Variants in SMIM20 observed in about 807,000 individuals in gnomAD.
SMIM20 encodes the protein small integral membrane protein 20, also known as mitochondrial translation regulation assembly intermediate of cytochrome c oxidase protein of 7 kDa.
SMIM20 carries 3 observed loss-of-function variants against 8.7 expected under a neutral mutation model. That is an observed-to-expected ratio of 0.34 (90% CI 0.16 to 0.89). SMIM20 has a LOEUF of 0.89. Among genes scored for constraint, SMIM20 ranks in the 40% least tolerant of loss-of-function variants. The probability of loss-of-function intolerance (pLI) is 0.49; values close to 1 mark genes in which losing one functional copy is unlikely to be tolerated. For missense variants in SMIM20, 85 were observed against 84.8 expected (o/e 1.00, Z -0.01); for synonymous variants, 44 against 33.6 (o/e 1.31, Z -1.07).
At chr4:25,918,448 T>C (rs1391024900) in intron 1 of SMIM20, among the ~76,000 whole-genome samples, 1 of 152,192 alleles carries the variant, frequency 6.6e-6, no homozygotes, top group Non-Finnish European at 1.5e-5. Context: ...ATAAGAATTA[T>C]CTTTATCTCC....
intron 1 of SMIM20, among the ~76,000 whole-genome samples, chr4:25,925,843 A>G (rs1719282479): frequency 6.6e-6 from 1 of 152,236 alleles, no homozygotes; most frequent in Non-Finnish European, 1.5e-5. Context: ...AGATTCTTTT[A>G]CTATCGTACA....
intron 1 of SMIM20, among the ~76,000 whole-genome samples, chr4:25,918,929 G>A (rs527564023): frequency 7.9e-4 from 89 of 113,256 alleles, no homozygotes; most frequent in Non-Finnish European, 1.2e-3. Flanking sequence ...ACGGAGTCTC[G>A]CTCTGTCGCC....
intron 1 of SMIM20, among the ~76,000 whole-genome samples, chr4:25,919,486 ATG>A (rs1719159572): frequency 6.8e-6 from 1 of 147,910 alleles, no homozygotes; most frequent in South Asian, 2.2e-4. Flanking sequence ...TTACAGGCAC[ATG>A]CCACCACGCC....
chr4:25,915,869 G>GGGGGGTGT, intron 1 of SMIM20, among the ~76,000 whole-genome samples: 1 of 103,260 alleles, frequency 9.7e-6, no homozygotes, highest in Non-Finnish European at 2.0e-5. Flanking sequence ...CGGGGGGGGG[G>GGGGGGTGT]TCGAGTGTTG....
rs146148250 is a variant in SMIM20 at position 25,920,254 on chromosome 4, T to C, written c.109+5832T>C. On this transcript the variant is annotated intron_variant, in intron 1 of 2. Coordinates refer to ENST00000506197, the MANE Select transcript of SMIM20 (RefSeq NM_001145432.3). ...TCATATTTTGGCCCGCGATAGACCA[T>C]GTATGACAGTGGTCCCATAAGATTA... is the stretch of plus-strand genomic sequence containing the variant. Among the ~76,000 whole-genome samples, 32 of 152,346 alleles carry C rather than the reference T, an allele frequency of 2.1e-4. No individual in the cohort carries two copies. In the East Asian group the frequency reaches 5.0e-3, roughly 24 times the overall value.
chr4:25,919,529 G>T (rs999703691), intron 1 of SMIM20, among the ~76,000 whole-genome samples: 2 of 151,342 alleles, frequency 1.3e-5, no homozygotes, highest in African/African-American at 4.9e-5. Flanking sequence ...CTGTATTTTA[G>T]TAGAGATGGG....
At chr4:25,915,408 G>A (rs1428877736) in intron 1 of SMIM20, among the ~76,000 whole-genome samples, 2 of 152,140 alleles carry the variant, frequency 1.3e-5, no homozygotes, top group Non-Finnish European at 2.9e-5. Flanking sequence ...CTGTCCCTTG[G>A]GAATATTAAC....
rs1214121006 is a variant in SMIM20 at position 25,917,050 on chromosome 4, C to T, written c.109+2628C>T. Reference sequence around the variant, plus strand: ...GGCAGCTGCTATATGATCATCATCCCCATTTTATATGTGGACAAACTGAGG... The same window carrying T: ...GGCAGCTGCTATATGATCATCATCCTCATTTTATATGTGGACAAACTGAGG... On this transcript the variant is annotated intron_variant, in intron 1 of 2. Coordinates refer to ENST00000506197, the MANE Select transcript of SMIM20 (RefSeq NM_001145432.3). Among the ~76,000 whole-genome samples the T allele has an allele frequency of 2.6e-5, 4 of 152,048 alleles. No homozygotes were observed. In the East Asian group the frequency reaches 7.7e-4, roughly 29 times the overall value.
At chr4:25,923,708 T>TA (rs1719238900) in intron 1 of SMIM20, among the ~76,000 whole-genome samples, 1 of 152,250 alleles carries the variant, frequency 6.6e-6, no homozygotes. Flanking sequence ...AGGCTATGCC[T>TA]AGGCAGCACA....
intron 1 of SMIM20, among the ~76,000 whole-genome samples, chr4:25,923,783 T>C (rs1367728463): frequency 6.6e-6 from 1 of 152,254 alleles, no homozygotes; most frequent in East Asian, 1.9e-4. Flanking sequence ...CCTTGTGACA[T>C]GCCAGGTGCT....
chr4:25,917,060 T>C (rs1719104199), intron 1 of SMIM20, among the ~76,000 whole-genome samples: 2 of 152,152 alleles, frequency 1.3e-5, no homozygotes, highest in African/African-American at 4.8e-5. Flanking sequence ...CCATTTTATA[T>C]GTGGACAAAC....
In SMIM20 at chr4:25,928,313, A is replaced by G; in HGVS notation, c.110A>G (p.Lys37Arg). Residue 37 changes from lysine (K) to arginine (R), a missense_variant and splice_region_variant, in exon 2 of 3, where the codon AAG (lysine) becomes AGG (arginine). Lys to Arg is a conservative substitution (Grantham distance 26). Transcript: ENST00000506197. ...FRPLMRLEEY[K>R]KEQAINRAGI... ...ATGATTTTTCTCTTATGTTTCTCAG[A>G]GAAGGAACAAGCTATAAATCGGGCT... 1 of 1,549,436 alleles carries G rather than the reference A, an allele frequency of 6.5e-7. No homozygotes were observed. The highest frequency in any genetic ancestry group is 2.4e-5 in the East Asian group (1 of 40,888).
chr4:25,919,089 A>G (rs1182718223), intron 1 of SMIM20, among the ~76,000 whole-genome samples: 64 of 148,442 alleles, frequency 4.3e-4, no homozygotes, highest in African/African-American at 1.3e-3. Flanking sequence ...TATTTTTAGT[A>G]GAGACGGGGT....
intron 1 of SMIM20, among the ~76,000 whole-genome samples, chr4:25,925,140 A>G (rs1719265085): frequency 6.6e-6 from 1 of 152,240 alleles, no homozygotes; most frequent in South Asian, 2.1e-4. Context: ...CCAATTTCAG[A>G]TAAGGGATAT....
chr4:25,916,792 G>A (rs1450635159), intron 1 of SMIM20, among the ~76,000 whole-genome samples: 1 of 152,176 alleles, frequency 6.6e-6, no homozygotes, highest in African/African-American at 2.4e-5. Flanking sequence ...CTCACCTCAA[G>A]CGATCCTCCT....
chr4:25,927,291 A>G (rs1242955447), intron 1 of SMIM20, among the ~76,000 whole-genome samples: 1 of 152,234 alleles, frequency 6.6e-6, no homozygotes, highest in Non-Finnish European at 1.5e-5. Flanking sequence ...TGATAAAACT[A>G]TCAGGTCGGT....
At position 25,914,396 on chromosome 4, in the gene SMIM20, G is replaced by A; in HGVS notation, c.83G>A (p.Arg28Gln). The stretch of plus-strand genomic sequence containing the variant: ...GCCGCCTTCTATCCCATCTACTTCC[G>A]GCCCCTAATGAGATTGGAGGAGTAC... ...IGAAFYPIYFRPLMRLEEYKK... is the reference protein window; with the variant it reads ...IGAAFYPIYFQPLMRLEEYKK... The change falls in exon 1 of 3, where the codon CGG becomes CAG. Residue 28 changes from arginine to glutamine, a missense_variant. Transcript: ENST00000506197. 1.3e-6 allele frequency: 2 copies of A among 1,529,312 alleles called. No homozygotes were observed. Among genetic ancestry groups the A allele is most frequent in the Non-Finnish European group, 1.8e-6 (2 of 1,133,404 alleles). 94.7% of individuals were successfully genotyped at this position (1,529,312 alleles called of 1,614,324 possible).
At chr4:25,915,854 TGG>T (rs1267183562) in intron 1 of SMIM20, among the ~76,000 whole-genome samples, 4 of 18,966 alleles carry the variant, frequency 2.1e-4, no homozygotes, top group East Asian at 2.5e-3. Flanking sequence ...CAACTTGGGA[TGG>T]GGCGGGGGGG....
At chr4:25,928,456 G>C in intron 2 of SMIM20, 87 bp downstream of exon 2, 2 of 1,299,776 alleles carry the variant, frequency 1.5e-6, no homozygotes, top group Non-Finnish European at 2.1e-6. Flanking sequence ...GGCGTGGAGA[G>C]TGGGAAAATG....
Sources: gnomAD v4.1 joint callset for allele counts (sites outside exome capture counted in the v4.1 genomes callset) on GRCh38, gnomAD v4.1.1 for gene constraint, MANE v1.5 for transcripts, NCBI Gene and HGNC (gene_info 2026-07-23, HGNC 2026-07-21) for gene names.